The following VPS13B variants were observed in gnomAD, a reference collection of about 807,000 sequenced individuals.
VPS13B encodes vacuolar protein sorting 13 homolog B.
A neutral mutation model predicts 426.4 loss-of-function variants in VPS13B; 285 were observed. The ratio of observed to expected loss-of-function variants is 0.67; its 90% CI spans 0.61 to 0.74. The LOEUF (loss-of-function observed/expected upper bound fraction) is 0.74, where lower values mean the gene tolerates loss of function less well. VPS13B is among the 30% of genes least tolerant of loss of function. The pLI, the probability that VPS13B is intolerant of heterozygous loss-of-function variation, is 0.00. For synonymous variants in VPS13B, 1,676 were observed against 1,676.4 expected (o/e 1.00, Z 0.01); for missense variants, 4,537 against 4,782.6 (o/e 0.95, Z 1.51).
intron 31 of VPS13B, among the ~76,000 whole-genome samples, chr8:99,569,639 T>G (rs977307536): frequency 3.3e-5 from 5 of 152,194 alleles, no homozygotes; most frequent in Admixed American, 1.3e-4. Flanking sequence ...TACCAAAATG[T>G]ATGACAGATG....
intron 44 of VPS13B, among the ~76,000 whole-genome samples, chr8:99,812,226 A>G (rs1359101931): frequency 6.6e-6 from 1 of 152,150 alleles, no homozygotes; most frequent in Non-Finnish European, 1.5e-5. Flanking sequence ...GTCTTTTTCA[A>G]TTGGATTTAA....
chr8:99,520,732 G>A (rs536208714), intron 29 of VPS13B, among the ~76,000 whole-genome samples, 167 bp from the exon 30 acceptor site: 19 of 150,446 alleles, frequency 1.3e-4, no homozygotes, highest in Admixed American at 3.3e-4. Flanking sequence ...GTTAAGAAAA[G>A]CATCAAAGAT....
At chr8:99,133,224 G>A (rs557560146) in intron 8 of VPS13B, among the ~76,000 whole-genome samples, 1 of 152,142 alleles carries the variant, frequency 6.6e-6, no homozygotes, top group African/African-American at 2.4e-5. Flanking sequence ...CGCTTTTATG[G>A]TATGGAGACG....
chr8:99,572,077 T>C (rs1825503321), intron 31 of VPS13B, among the ~76,000 whole-genome samples: 1 of 152,216 alleles, frequency 6.6e-6, no homozygotes, highest in Admixed American at 6.5e-5. Flanking sequence ...TTGAACTTTA[T>C]CATTTTATGA....
In VPS13B at chr8:99,766,808, A is replaced by G. The variant is rs148385830; in HGVS notation, c.7085A>G (p.Gln2362Arg). 3.6e-5 allele frequency: 58 copies of G among 1,613,840 alleles called. No individual in the cohort carries two copies. Among genetic ancestry groups the G allele is most frequent in the Non-Finnish European group, 4.5e-5 (53 of 1,179,950 alleles). The part of the protein sequence containing the change: ...PCSLEYWDEL[Q>R]KVFVAFREFN... ...AGCTTGGAATACTGGGATGAACTCC[A>G]GAAGGTTTTTGTTGCATTTAGAGAA... Residue 2362 changes from glutamine to arginine, a missense_variant, in exon 40 of 62, where the codon CAG becomes CGG. By Grantham distance (43) the Gln-to-Arg change is conservative (BLOSUM62 1). Transcript: ENST00000357162.
chr8:99,465,071 C>G (rs1365064658), intron 23 of VPS13B, among the ~76,000 whole-genome samples: 1 of 152,064 alleles, frequency 6.6e-6, no homozygotes, highest in Non-Finnish European at 1.5e-5. Context: ...AAATAAAAAT[C>G]TTAATCTTGA....
chr8:99,834,275 A>G (rs1312251480), intron 52 of VPS13B, among the ~76,000 whole-genome samples: 1 of 152,232 alleles, frequency 6.6e-6, no homozygotes, highest in Non-Finnish European at 1.5e-5. Flanking sequence ...TGCTTCAAAG[A>G]AATATTCTTT....
rs907198425 is a variant in VPS13B at position 99,200,957 on chromosome 8, T to C, written c.2515+7900T>C. On this transcript the variant is annotated intron_variant, in intron 17 of 61. Transcript: ENST00000357162. ...ATGGTTTATCCCTTTGATACTGATA[T>C]TGATTCTTGGTCATCATCATTACTT... is the stretch of plus-strand genomic sequence containing the variant. 7.2e-5 allele frequency among the ~76,000 whole-genome samples: 11 copies of C among 152,274 alleles called. No homozygotes were observed. In the South Asian group the frequency reaches 8.3e-4, roughly 11 times the overall value.
intron 19 of VPS13B, among the ~76,000 whole-genome samples, chr8:99,321,210 C>CTTTTTTTTTTTTTT (rs58817658): frequency 1.1e-5 from 1 of 93,994 alleles, no homozygotes; most frequent in Non-Finnish European, 2.2e-5. Context: ...TTTTCTTTTT[C>CTTTTTTTTTTTTTT]TTTTTTTTTT....
chr8:99,190,691 C>T (rs756436666), intron 16 of VPS13B, among the ~76,000 whole-genome samples: 11 of 152,132 alleles, frequency 7.2e-5, no homozygotes, highest in Admixed American at 2.0e-4. Flanking sequence ...TAAGAACCTC[C>T]ATTTCCCTCT....
intron 19 of VPS13B, among the ~76,000 whole-genome samples, chr8:99,336,447 G>C (rs1470500101): frequency 1.3e-5 from 2 of 152,258 alleles, no homozygotes; most frequent in African/African-American, 4.8e-5. Flanking sequence ...TCAGGACATA[G>C]GCATGGGCAA....
rs752072948 is a variant in VPS13B at position 99,013,794 on chromosome 8, G to A, written c.6G>A (p.Leu2=). The change falls in exon 2 of 62, where the codon CTG becomes CTA. Residue 2 remains leucine, a synonymous_variant. Coordinates refer to ENST00000357162, the MANE Select transcript of VPS13B (RefSeq NM_152564.5). Reference sequence around the variant, plus strand: ...TCGACTCCTTACCTTAAAAGATGCTGGAGTCATATGTAACTCCAATTTTAA... The same window carrying A: ...TCGACTCCTTACCTTAAAAGATGCTAGAGTCATATGTAACTCCAATTTTAA... M[L]ESYVTPILMS... The A allele has an allele frequency of 4.3e-6, 7 of 1,614,018 alleles. No homozygotes were observed. Among genetic ancestry groups the A allele is most frequent in the Admixed American group, 1.7e-5 (1 of 59,996 alleles).
chr8:99,504,238 C>G (rs1234870202), intron 27 of VPS13B, among the ~76,000 whole-genome samples: 2 of 152,148 alleles, frequency 1.3e-5, no homozygotes, highest in Non-Finnish European at 2.9e-5. Flanking sequence ...TGCCTTCTTC[C>G]ATGAGTAAAA....
rs190053080 is a variant in VPS13B, at chr8:99,658,247, A to G, written c.5909-3107A>G. On this transcript the variant is annotated intron_variant, in intron 34 of 61. Coordinates refer to ENST00000357162, the MANE Select transcript of VPS13B (RefSeq NM_152564.5). Reference sequence around the variant, plus strand: ...GTATGCGTGCAAAAAGCATCAGAATACAGTTAAATGACTGCCTCTTCACGT... The same window carrying G: ...GTATGCGTGCAAAAAGCATCAGAATGCAGTTAAATGACTGCCTCTTCACGT... Among the ~76,000 whole-genome samples the G allele has an allele frequency of 1.6e-4, 24 of 152,324 alleles. No individual in the cohort carries two copies. The East Asian group carries it at 4.4e-3, about 28-fold the overall frequency.
chr8:99,417,714 G>T (rs1209975773), intron 21 of VPS13B, among the ~76,000 whole-genome samples: 1 of 151,988 alleles, frequency 6.6e-6, no homozygotes, highest in East Asian at 1.9e-4. Flanking sequence ...TAATCAGTGT[G>T]CTCACTCTTT....
rs187551129 is a variant in VPS13B at position 99,266,868 on chromosome 8, C to T, written c.2516-7330C>T. Among the ~76,000 whole-genome samples, 35 of 152,274 alleles carry T rather than the reference C, an allele frequency of 2.3e-4. No homozygotes were observed. The East Asian group carries it at 4.0e-3, about 18-fold the overall frequency. On this transcript the variant is annotated intron_variant, in intron 17 of 61. Coordinates refer to ENST00000357162, the MANE Select transcript of VPS13B (RefSeq NM_152564.5). ...TATGTAGAACTGTGAGTCAATCAAA[C>T]CTCTTTTCTTTATAAATTACCCAGT...
intron 24 of VPS13B, among the ~76,000 whole-genome samples, chr8:99,476,546 A>C (rs950426342): frequency 6.6e-6 from 1 of 152,196 alleles, no homozygotes; most frequent in African/African-American, 2.4e-5. Flanking sequence ...GAAAGCCACA[A>C]GTAAAGAACA....
intron 59 of VPS13B, among the ~76,000 whole-genome samples, chr8:99,870,247 C>T (rs903509262): frequency 1.3e-5 from 2 of 152,140 alleles, no homozygotes; most frequent in African/African-American, 2.4e-5. Context: ...TAGCTCACTG[C>T]AGCCTCCAAC....
At chr8:99,233,153 A>G (rs1816440128) in intron 17 of VPS13B, 2 of 1,407,662 alleles carry the variant, frequency 1.4e-6, no homozygotes, top group Admixed American at 1.7e-5. Flanking sequence ...TGGCTAGCAA[A>G]GAAGTGCCCG....
Sources: allele counts gnomAD v4.1 joint callset (sites outside exome capture counted in the v4.1 genomes callset), GRCh38; gene constraint gnomAD v4.1.1; transcripts MANE v1.5; gene names NCBI Gene and HGNC (gene_info 2026-07-23, HGNC 2026-07-21).